Variants in UBR2 observed in about 807,000 individuals in gnomAD.
The protein encoded by UBR2 is ubiquitin protein ligase E3 component n-recognin 2, also known as E3 ubiquitin-protein ligase UBR2.
UBR2 carries 92 observed loss-of-function variants against 247.9 expected under a neutral mutation model. The ratio of observed to expected loss-of-function variants is 0.37; its 90% CI spans 0.31 to 0.44. The LOEUF (loss-of-function observed/expected upper bound fraction) is 0.44. UBR2 is among the 20% of genes least tolerant of loss of function. UBR2 has a pLI of 1.00. For synonymous variants in UBR2, 672 were observed against 693.5 expected (o/e 0.97, Z 0.49); for missense variants, 1,613 against 2,112.6 (o/e 0.76, Z 4.64).
rs1331642056 is a variant in UBR2 at position 42,615,164 on chromosome 6, C to T, written c.1079C>T (p.Ser360Phe). 1.2e-6 allele frequency: 2 copies of T among 1,609,496 alleles called. No individual in the cohort carries two copies. Among genetic ancestry groups the T allele is most frequent in the Admixed American group, 3.4e-5 (2 of 59,506 alleles). ...GTGGACAGACTGATGCTTAGTGATT[C>T]CAAATTATGGAAAGGTGAATCTCTT... ...SLVDRLMLSD[S>F]KLWKGARSVY... is the part of the protein sequence containing the mutation. Residue 360 changes from serine (S) to phenylalanine (F), a missense_variant, in exon 9 of 47, where the codon TCC (serine) becomes TTC (phenylalanine). Transcript: ENST00000372901.
intron 11 of UBR2, among the ~76,000 whole-genome samples, chr6:42,630,139 T>C (rs1313000802): frequency 6.6e-6 from 1 of 150,494 alleles, no homozygotes; most frequent in African/African-American, 2.5e-5. Flanking sequence ...GTAGCAGTAG[T>C]AGTAGTAGTA....
At chr6:42,589,912 T>G (rs1582468315) in intron 2 of UBR2, among the ~76,000 whole-genome samples, 2 of 152,334 alleles carry the variant, frequency 1.3e-5, no homozygotes, top group East Asian at 3.8e-4. Context: ...TTTCTTGTTA[T>G]TTTTGAATGT....
chr6:42,673,946 T>G (rs1798579617), intron 37 of UBR2, 59 bp downstream of exon 37: 1 of 1,452,096 alleles, frequency 6.9e-7, no homozygotes, highest in South Asian at 1.2e-5. Context: ...ATTTTGTTTT[T>G]AATGGTACAG....
chr6:42,601,887 T>TAG lies in UBR2; in HGVS notation c.532-1701_532-1700insAG, dbSNP rs1562298358. Reference sequence around the variant, plus strand: ...TTCTTTTTTTTTTCTTTTTTTTTTTTTTGATGGAGTTTTGCTCTGTTGCCC... The same window carrying TAG: ...TTCTTTTTTTTTTCTTTTTTTTTTTTAGTTGATGGAGTTTTGCTCTGTTGCCC... On this transcript the variant is annotated intron_variant, in intron 4 of 46. Transcript: ENST00000372901. 4.5e-3 allele frequency among the ~76,000 whole-genome samples: 600 copies of TAG among 133,252 alleles called. 14 individuals carry two copies. Among genetic ancestry groups the TAG allele is most frequent in the South Asian group, 6.7e-3 (26 of 3,906 alleles). The allele number at this position is 133,252 out of a possible 152,430, so 87.4% of individuals were successfully genotyped here.
At chr6:42,620,369 T>C (rs1336662444) in intron 11 of UBR2, 1 of 151,316 alleles carries the variant, frequency 6.6e-6, no homozygotes, top group Non-Finnish European at 1.5e-5. Context: ...GTCTGCCTTT[T>C]TCTTACTGAT....
At chr6:42,682,430 TA>T (rs942252130) in intron 42 of UBR2, among the ~76,000 whole-genome samples, 2,969 of 149,174 alleles carry the variant, frequency 0.02, 85 homozygotes, top group African/African-American at 0.069. Context: ...TTTACCACAC[TA>T]AAAAAAAAAA....
Position 42,629,496 on chromosome 6 carries a change from A to G in UBR2, c.1282-3056A>G, listed in dbSNP as rs115879303. On this transcript the variant is annotated intron_variant, in intron 11 of 46. Coordinates refer to ENST00000372901, the MANE Select transcript of UBR2 (RefSeq NM_001363705.2). ...TGGTGAAACCCTGTCTCTACTAAAT[A>G]TAGGTAAAAAATTAGCCAAGCGTGG... 4.7e-3 allele frequency among the ~76,000 whole-genome samples: 715 copies of G among 152,166 alleles called. 3 individuals are homozygous for G. The highest frequency in any genetic ancestry group is 0.014 in the African/African-American group (567 of 41,530).
intron 4 of UBR2, 112 bp from the exon 5 acceptor site, chr6:42,603,476 G>C (rs1793510798): frequency 1.9e-6 from 2 of 1,040,546 alleles, no homozygotes; most frequent in Non-Finnish European, 2.6e-6. Context: ...GCTGAAGCTG[G>C]AAGACCAGTC....
chr6:42,567,444 A>G (rs1409083014), intron 1 of UBR2, among the ~76,000 whole-genome samples: 1 of 152,170 alleles, frequency 6.6e-6, no homozygotes, highest in Non-Finnish European at 1.5e-5. Context: ...TTTTAAAAGT[A>G]AACATGCCGG....
In UBR2 at chr6:42,635,446, G is replaced by A; in HGVS notation, c.1574G>A (p.Gly525Glu). ...ATGGATCCAATTACACGTCAAGTAG[G>A]ACAACATATTGAAATGGAACCAGAG... is the stretch of plus-strand genomic sequence containing the variant. The part of the protein sequence containing the change: ...QGMDPITRQV[G>E]QHIEMEPEWE... The change falls in exon 14 of 47, where the codon GGA becomes GAA. Residue 525 changes from glycine to glutamate, a missense_variant. This residue lies in a region of UBR2 where 1,524 missense variants were observed against 1,967.3 expected (regional missense o/e 0.77). Coordinates refer to ENST00000372901, the MANE Select transcript of UBR2 (RefSeq NM_001363705.2). 1 of 1,613,714 alleles carries A rather than the reference G, an allele frequency of 6.2e-7. No individual in the cohort carries two copies. The highest frequency in any genetic ancestry group is 8.5e-7 in the Non-Finnish European group (1 of 1,179,798).
chr6:42,680,284 C>A (rs1384639154), intron 42 of UBR2, among the ~76,000 whole-genome samples: 1 of 152,120 alleles, frequency 6.6e-6, no homozygotes, highest in Admixed American at 6.5e-5. Flanking sequence ...CCGCACCTGG[C>A]CTATGAGTAG....
rs191607606 is a variant in UBR2 at position 42,611,631 on chromosome 6, C to T, written c.865-540C>T. On this transcript the variant is annotated intron_variant, in intron 7 of 46. Coordinates refer to ENST00000372901, the MANE Select transcript of UBR2 (RefSeq NM_001363705.2). ...CTAAAGATTCAGATTACTGGTCAGG[C>T]GCAGTGGCTCACACCTGTAATCCCA... 7.2e-5 allele frequency among the ~76,000 whole-genome samples: 11 copies of T among 152,134 alleles called. No individual in the cohort carries two copies. The East Asian group carries it at 1.4e-3, about 19-fold the overall frequency.
chr6:42,632,961 T>A, intron 13 of UBR2, 57 bp downstream of exon 13: 3 of 1,047,316 alleles, frequency 2.9e-6, no homozygotes, highest in Non-Finnish European at 3.9e-6. Context: ...CTTTTCTCTT[T>A]TTTTTTTTTT....
At chr6:42,665,968 G>A (rs950095107) in intron 33 of UBR2, among the ~76,000 whole-genome samples, 199 bp from the exon 34 acceptor site, 53 of 152,198 alleles carry the variant, frequency 3.5e-4, no homozygotes, top group African/African-American at 1.2e-3. Flanking sequence ...TTTAGTGGCT[G>A]TACTATAAGG....
intron 8 of UBR2, among the ~76,000 whole-genome samples, chr6:42,612,962 G>A (rs567332455): frequency 4.7e-4 from 72 of 152,206 alleles, no homozygotes; most frequent in Middle Eastern, 6.8e-3. Flanking sequence ...TTAGCCAGGC[G>A]TGGTGGCATG....
intron 1 of UBR2, among the ~76,000 whole-genome samples, chr6:42,572,126 A>G (rs942800013): frequency 2.6e-5 from 4 of 152,098 alleles, no homozygotes; most frequent in African/African-American, 9.7e-5. Context: ...AAAGTAATTT[A>G]GTCTCTTTCC....
At chr6:42,684,372 CA>C (rs1211345268) in intron 43 of UBR2, among the ~76,000 whole-genome samples, 1 of 151,464 alleles carries the variant, frequency 6.6e-6, no homozygotes. Context: ...GTCAGGAGAT[CA>C]AGACCATCCT....
intron 4 of UBR2, among the ~76,000 whole-genome samples, chr6:42,597,429 ATACAAAAAT>A (rs1793043474): frequency 2.0e-5 from 3 of 152,008 alleles, no homozygotes; most frequent in African/African-American, 4.8e-5. Flanking sequence ...ATCCCCGTCT[ATACAAAAAT>A]TACAAAAATT....
chr6:42,581,689 A>G (rs1278007678), intron 2 of UBR2, among the ~76,000 whole-genome samples: 1 of 152,184 alleles, frequency 6.6e-6, no homozygotes, highest in African/African-American at 2.4e-5. Context: ...TCTCAGCATA[A>G]TGTCTGTCAG....
Sources: allele counts gnomAD v4.1 joint callset (sites outside exome capture counted in the v4.1 genomes callset), GRCh38; gene constraint gnomAD v4.1.1; regional missense constraint gnomAD v4.1.1; transcripts MANE v1.5; gene names NCBI Gene and HGNC (gene_info 2026-07-23, HGNC 2026-07-21).